The following PHF2 variants were observed in gnomAD, a reference collection of about 807,000 sequenced individuals.
PHF2 encodes PHD finger protein 2, also known as lysine-specific demethylase PHF2.
Under a neutral mutation model 120.5 loss-of-function variants are expected in PHF2, and 27 were observed. The ratio of observed to expected loss-of-function variants is 0.22; its 90% CI spans 0.17 to 0.31. The LOEUF is 0.31. Ranked by LOEUF, PHF2 falls within the 10% of genes least tolerant of loss-of-function variation. The probability of loss-of-function intolerance (pLI) is 1.00; values close to 1 mark genes in which losing one functional copy is unlikely to be tolerated. For synonymous variants in PHF2, 568 were observed against 592.5 expected (o/e 0.96, Z 0.60); for missense variants, 1,024 against 1,434.8 (o/e 0.71, Z 4.63).
intron 1 of PHF2, among the ~76,000 whole-genome samples, chr9:93,581,202 T>C (rs1862923611): frequency 6.6e-6 from 1 of 152,160 alleles, no homozygotes; most frequent in Admixed American, 6.5e-5. Flanking sequence ...TGGGCTCTCA[T>C]TGTGCCCACC....
At chr9:93,621,346 A>T (rs1003253938) in intron 1 of PHF2, among the ~76,000 whole-genome samples, 7 of 152,190 alleles carry the variant, frequency 4.6e-5, no homozygotes, top group African/African-American at 1.7e-4. Context: ...TTCCACCATG[A>T]CCACCTCTCT....
rs1363144330 is a variant in PHF2, at chr9:93,576,877, C to T, written c.98+6C>T. The T allele has an allele frequency of 8.3e-7, 1 of 1,206,088 alleles. No homozygotes were observed. The highest frequency in any genetic ancestry group is 1.1e-6 in the Non-Finnish European group (1 of 933,860). The allele number at this position is 1,206,088 out of a possible 1,614,324, so 74.7% of individuals were successfully genotyped here. A position where few individuals can be genotyped will look rare whatever the true frequency, so the allele number is the denominator to read the frequency against. ...AAGGACTGGTTCCACGGCAGGTGAG[C>T]GCGCGGCGGCTGCTCGGCTCGGCCC... On this transcript the variant is annotated splice_donor_region_variant and intron_variant, in intron 1 of 21. Coordinates refer to ENST00000359246, the MANE Select transcript of PHF2 (RefSeq NM_005392.4).
chr9:93,640,281 A>G (rs773142719), intron 3 of PHF2, among the ~76,000 whole-genome samples: 2 of 152,134 alleles, frequency 1.3e-5, no homozygotes, highest in African/African-American at 4.8e-5. Context: ...TATTTATTCT[A>G]CTGCATTTTC....
In PHF2 at chr9:93,665,649, T is replaced by C. The variant is rs1287824511; in HGVS notation, c.1938-37T>C. 3.1e-6 allele frequency: 5 copies of C among 1,604,782 alleles called. No homozygotes were observed. In the Middle Eastern group the frequency reaches 5.4e-4, roughly 173 times the overall value. The stretch of plus-strand genomic sequence containing the variant: ...CCTACCTGTCCGCTGGCTGTGGGGC[T>C]ATGTGGATGCTGCTGACCCACTCGC... On this transcript the variant is annotated intron_variant, in intron 14 of 21. Coordinates refer to ENST00000359246, the MANE Select transcript of PHF2 (RefSeq NM_005392.4).
chr9:93,646,643 A>G (rs1006908724), intron 4 of PHF2, among the ~76,000 whole-genome samples: 5 of 152,066 alleles, frequency 3.3e-5, no homozygotes, highest in Non-Finnish European at 5.9e-5. Flanking sequence ...CTGGAGGTGA[A>G]ATGAAGTCAC....
intron 5 of PHF2, among the ~76,000 whole-genome samples, chr9:93,650,729 C>T (rs1159813802): frequency 6.6e-6 from 1 of 152,172 alleles, no homozygotes; most frequent in Non-Finnish European, 1.5e-5. Flanking sequence ...GGATCCACCC[C>T]TCACCCCCGC....
At chr9:93,602,244 A>ATT (rs760745703) in intron 1 of PHF2, among the ~76,000 whole-genome samples, 2 of 79,654 alleles carry the variant, frequency 2.5e-5, no homozygotes, top group African/African-American at 4.7e-5. Flanking sequence ...ATTCCTAGAG[A>ATT]TTCTTTTTTT....
intron 12 of PHF2, 72 bp downstream of exon 12, chr9:93,660,632 A>G (rs1587713303): frequency 1.4e-6 from 2 of 1,383,266 alleles, no homozygotes; most frequent in Non-Finnish European, 1.9e-6. Context: ...GGCCAGTCCC[A>G]TGGAGATAGC....
At chr9:93,595,503 A>T (rs139777904) in intron 1 of PHF2, among the ~76,000 whole-genome samples, 1 of 152,262 alleles carries the variant, frequency 6.6e-6, no homozygotes, top group African/African-American at 2.4e-5. Context: ...TTGGAGTCAC[A>T]GAAGATATTT....
chr9:93,678,472 C>G lies in PHF2; in HGVS notation c.*796C>G, dbSNP rs2118181651. The G allele has an allele frequency of 6.5e-6, 1 of 152,704 alleles. No homozygotes were observed. The highest frequency in any genetic ancestry group is 2.1e-4 in the South Asian group (1 of 4,822). The allele number at this position is 152,704 out of a possible 1,614,324, so 9.5% of individuals were successfully genotyped here. On this transcript the variant is annotated 3_prime_UTR_variant, in exon 22 of 22. Coordinates refer to ENST00000359246, the MANE Select transcript of PHF2 (RefSeq NM_005392.4). ...ACACTCTGGAGAAGCACTTCTCAGC[C>G]AAGGCACCCCTGCCCTGGGACTGGC...
chr9:93,636,320 A>C, intron 2 of PHF2, 91 bp from the exon 3 acceptor site: 2 of 924,748 alleles, frequency 2.2e-6, no homozygotes, highest in Admixed American at 2.2e-5. Context: ...AGTTGTTAGT[A>C]GGCTGGGTGG....
At chr9:93,582,636 A>AC (rs1228202541) in intron 1 of PHF2, among the ~76,000 whole-genome samples, 18 of 150,290 alleles carry the variant, frequency 1.2e-4, no homozygotes, top group East Asian at 9.8e-4. Context: ...TTTCTCCTGG[A>AC]CCCCCCCGCC....
intron 1 of PHF2, chr9:93,594,875 G>A (rs1433260842): frequency 6.5e-6 from 1 of 153,702 alleles, no homozygotes; most frequent in Non-Finnish European, 1.5e-5. Flanking sequence ...TGGTTTTAAT[G>A]GCAGTTACTT....
chr9:93,653,717 G>A (rs904745633), intron 6 of PHF2, among the ~76,000 whole-genome samples: 7 of 152,226 alleles, frequency 4.6e-5, no homozygotes, highest in African/African-American at 1.7e-4. Context: ...GGAGCCAGGG[G>A]GCAGGAGAGG....
chr9:93,600,982 AG>A (rs1825428941), intron 1 of PHF2, among the ~76,000 whole-genome samples: 1 of 152,354 alleles, frequency 6.6e-6, no homozygotes, highest in African/African-American at 2.4e-5. Context: ...AAATGTTAAG[AG>A]TGACTTCAGA....
intron 1 of PHF2, among the ~76,000 whole-genome samples, chr9:93,577,135 T>G (rs1032020347): frequency 6.9e-6 from 1 of 145,664 alleles, no homozygotes; most frequent in African/African-American, 2.5e-5. Flanking sequence ...GGCCGGGAGG[T>G]GGGCTCGGGG....
At chr9:93,647,477 A>G (rs1364410491) in intron 4 of PHF2, among the ~76,000 whole-genome samples, 2 of 152,086 alleles carry the variant, frequency 1.3e-5, no homozygotes, top group African/African-American at 2.4e-5. Flanking sequence ...GGAACTTTTT[A>G]AATACACACA....
chr9:93,599,930 CTT>C (rs1825409076), intron 1 of PHF2, among the ~76,000 whole-genome samples: 1 of 152,166 alleles, frequency 6.6e-6, no homozygotes, highest in African/African-American at 2.4e-5. Flanking sequence ...TCAGTGAAGA[CTT>C]TGAGGCCAAG....
intron 1 of PHF2, among the ~76,000 whole-genome samples, chr9:93,579,918 C>A (rs1236573699): frequency 6.6e-6 from 1 of 152,208 alleles, no homozygotes; most frequent in Non-Finnish European, 1.5e-5. Context: ...TCTGAGCATC[C>A]CTCCCAGTGT....
Sources: gnomAD v4.1 joint callset for allele counts (sites outside exome capture counted in the v4.1 genomes callset) on GRCh38, gnomAD v4.1.1 for gene constraint, MANE v1.5 for transcripts, NCBI Gene and HGNC (gene_info 2026-07-23, HGNC 2026-07-21) for gene names.